Variants in TRPM3 observed in about 807,000 individuals in gnomAD.
The protein encoded by TRPM3 is transient receptor potential cation channel subfamily M member 3, also known as long transient receptor potential channel 3.
TRPM3 carries 77 observed loss-of-function variants against 181.2 expected under a neutral mutation model. The observed-to-expected ratio is 0.42, with a 90% CI of 0.35 to 0.51. The LOEUF is 0.51. TRPM3 is among the 20% of genes least tolerant of loss of function. The probability of loss-of-function intolerance (pLI) is 0.01; values close to 1 mark genes in which losing one functional copy is unlikely to be tolerated. For missense variants in TRPM3, 1,759 were observed against 2,196.7 expected (o/e 0.80, Z 3.98); for synonymous variants, 745 against 796.4 (o/e 0.94, Z 1.09).
At chr9:71,201,130 T>C (rs1404794199) in intron 1 of TRPM3, among the ~76,000 whole-genome samples, 2 of 151,852 alleles carry the variant, frequency 1.3e-5, no homozygotes, top group African/African-American at 4.8e-5. Context: ...CCTTCACTTA[T>C]GAAGCTTAGT....
chr9:71,446,236 T>C (rs1409634570), intron 1 of TRPM3, among the ~76,000 whole-genome samples: 6 of 152,294 alleles, frequency 3.9e-5, no homozygotes, highest in Non-Finnish European at 2.9e-5. Context: ...AGTAAAAATA[T>C]GGCATGCCCT....
At chr9:71,366,039 T>C (rs561313560) in intron 1 of TRPM3, among the ~76,000 whole-genome samples, 2 of 152,160 alleles carry the variant, frequency 1.3e-5, no homozygotes, top group African/African-American at 4.8e-5. Context: ...CTGAATAAAA[T>C]GAGGTGAAGG....
intron 1 of TRPM3, among the ~76,000 whole-genome samples, chr9:71,152,674 A>G (rs972206232): frequency 1.3e-5 from 2 of 152,144 alleles, no homozygotes; most frequent in African/African-American, 4.8e-5. Context: ...CATCAGTTTG[A>G]GGCCAAGGTT....
chr9:71,141,819 T>C (rs1227449444), intron 1 of TRPM3, among the ~76,000 whole-genome samples: 3 of 152,228 alleles, frequency 2.0e-5, no homozygotes, highest in Non-Finnish European at 4.4e-5. Context: ...AAAATCTCAA[T>C]TACTTTGGCA....
At chr9:70,932,975 AGAG>A (rs2096790016) in intron 1 of TRPM3, among the ~76,000 whole-genome samples, 2 of 152,162 alleles carry the variant, frequency 1.3e-5, no homozygotes, top group Non-Finnish European at 2.9e-5. Flanking sequence ...GATATATTTT[AGAG>A]GTAATTTCAG....
At chr9:70,560,803 G>T (rs192499412) in intron 22 of TRPM3, among the ~76,000 whole-genome samples, 71 of 152,332 alleles carry the variant, frequency 4.7e-4, no homozygotes, top group African/African-American at 1.6e-3. Flanking sequence ...CAGTTTAAAA[G>T]TTCAGAGGGT....
intron 1 of TRPM3, among the ~76,000 whole-genome samples, chr9:71,158,508 T>A (rs1386311667): frequency 3.3e-5 from 5 of 152,130 alleles, no homozygotes; most frequent in Non-Finnish European, 7.4e-5. Flanking sequence ...AGAAAACAAT[T>A]GAATAAAGTG....
chr9:71,197,985 T>C (rs2078504932), intron 1 of TRPM3, among the ~76,000 whole-genome samples: 2 of 151,470 alleles, frequency 1.3e-5, no homozygotes, highest in Admixed American at 1.3e-4. Context: ...GGTTTTCTTC[T>C]AGGGTTTTTA....
At chr9:71,022,881 T>C (rs1178484152) in intron 1 of TRPM3, among the ~76,000 whole-genome samples, 7 of 152,054 alleles carry the variant, frequency 4.6e-5, no homozygotes, top group Admixed American at 6.5e-5. Flanking sequence ...ATATGTAAAA[T>C]TTAAAACTAT....
At chr9:71,302,411 T>C (rs922989921) in intron 1 of TRPM3, among the ~76,000 whole-genome samples, 3 of 152,110 alleles carry the variant, frequency 2.0e-5, no homozygotes, top group African/African-American at 7.2e-5. Context: ...CTACGAGCAA[T>C]ACTGAACAAA....
intron 1 of TRPM3, among the ~76,000 whole-genome samples, chr9:71,405,906 T>A (rs72735849): frequency 0.02 from 2,973 of 152,310 alleles, 87 homozygotes; most frequent in South Asian, 0.098. Context: ...TGCAGAAATA[T>A]TCAGAAGTAA....
intron 1 of TRPM3, among the ~76,000 whole-genome samples, chr9:71,036,065 A>C (rs957105352): frequency 3.7e-5 from 5 of 136,388 alleles, no homozygotes; most frequent in Admixed American, 2.5e-4. Context: ...CCCTAACTTT[A>C]TGATCTGGAA....
intron 1 of TRPM3, among the ~76,000 whole-genome samples, chr9:71,257,081 G>C (rs573149981): frequency 6.6e-6 from 1 of 152,276 alleles, no homozygotes; most frequent in East Asian, 1.9e-4. Context: ...GAGCACTCTG[G>C]GAAATATCTA....
chr9:70,811,058 C>G, intron 6 of TRPM3: 1 of 805,426 alleles, frequency 1.2e-6, no homozygotes, highest in Non-Finnish European at 2.0e-6. Flanking sequence ...AGAGATAAAA[C>G]AACAGTCATA....
At chr9:71,049,082 C>G (rs183205835) in intron 1 of TRPM3, among the ~76,000 whole-genome samples, 39 of 152,266 alleles carry the variant, frequency 2.6e-4, no homozygotes, top group Admixed American at 9.2e-4. Flanking sequence ...GACTCCTCCC[C>G]CAGAGAAGGC....
At position 70,531,570 on chromosome 9, in the gene TRPM3, G is replaced by A. The variant is rs2040875417; in HGVS notation, c.*4383C>T. ...TTGTTCAAGGATAGTGAGTTATAATGCAATATCTAGGCCAAATATATAACC... is the reference window on the plus strand; with the variant it reads ...TTGTTCAAGGATAGTGAGTTATAATACAATATCTAGGCCAAATATATAACC... On this transcript the variant is annotated 3_prime_UTR_variant, in exon 26 of 26. Transcript: ENST00000677713. 1 of 152,164 alleles carries A rather than the reference G, an allele frequency of 6.6e-6. No homozygotes were observed. Among genetic ancestry groups the A allele is most frequent in the African/African-American group, 2.4e-5 (1 of 41,434 alleles). 9.4% of individuals were successfully genotyped at this position (152,164 alleles called of 1,614,324 possible).
chr9:71,418,877 T>A (rs2093681431), intron 1 of TRPM3, among the ~76,000 whole-genome samples: 1 of 139,956 alleles, frequency 7.1e-6, no homozygotes. Flanking sequence ...TATATATGTG[T>A]ATATATATAC....
At chr9:71,136,102 T>C (rs1289481168) in intron 1 of TRPM3, among the ~76,000 whole-genome samples, 1 of 152,168 alleles carries the variant, frequency 6.6e-6, no homozygotes, top group Non-Finnish European at 1.5e-5. Flanking sequence ...ACAAAGAGAT[T>C]AATACATCGT....
intron 1 of TRPM3, among the ~76,000 whole-genome samples, chr9:71,198,489 T>C (rs1229554284): frequency 2.6e-5 from 4 of 152,228 alleles, no homozygotes; most frequent in African/African-American, 9.6e-5. Flanking sequence ...TGATATTGAT[T>C]CTTCCTACCC....
Sources: gnomAD v4.1 joint callset for allele counts (sites outside exome capture counted in the v4.1 genomes callset) on GRCh38, gnomAD v4.1.1 for gene constraint, MANE v1.5 for transcripts, NCBI Gene and HGNC (gene_info 2026-07-23, HGNC 2026-07-21) for gene names.